The following MAGI1 variants were observed in gnomAD, a reference collection of about 807,000 sequenced individuals.
The protein encoded by MAGI1 is membrane-associated guanylate kinase, WW and PDZ domain-containing protein 1.
A neutral mutation model predicts 139.9 loss-of-function variants in MAGI1; 58 were observed. The observed-to-expected ratio is 0.41, with a 90% CI of 0.34 to 0.52. The LOEUF (loss-of-function observed/expected upper bound fraction) is 0.52, where lower values mean the gene tolerates loss of function less well. MAGI1 is among the 20% of genes least tolerant of loss of function. The pLI is 0.12. For synonymous variants in MAGI1, 812 were observed against 737.9 expected (o/e 1.10, Z -1.63); for missense variants, 1,874 against 1,901.6 (o/e 0.99, Z 0.27).
chr3:65,652,095 T>C (rs1246409250), intron 1 of MAGI1, among the ~76,000 whole-genome samples: 1 of 152,090 alleles, frequency 6.6e-6, no homozygotes, highest in African/African-American at 2.4e-5. Flanking sequence ...AAATGAGAAA[T>C]GGTTAAAATG....
intron 5 of MAGI1, among the ~76,000 whole-genome samples, chr3:65,459,479 C>T (rs1266494169): frequency 6.6e-6 from 1 of 152,164 alleles, no homozygotes; most frequent in Non-Finnish European, 1.5e-5. Flanking sequence ...ATCTTGCAAC[C>T]TTGCTGAACT....
intron 18 of MAGI1, among the ~76,000 whole-genome samples, chr3:65,372,269 A>G (rs1942076075): frequency 6.6e-6 from 1 of 152,212 alleles, no homozygotes; most frequent in African/African-American, 2.4e-5. Flanking sequence ...TTCCTTGTAC[A>G]TTTCCATTAG....
intron 1 of MAGI1, among the ~76,000 whole-genome samples, chr3:65,855,736 A>G (rs1056797514): frequency 1.3e-5 from 2 of 151,414 alleles, no homozygotes; most frequent in Admixed American, 6.6e-5. Flanking sequence ...GCACATGTAG[A>G]TTTGTAAGAA....
At chr3:65,404,125 G>A (rs937573606) in intron 12 of MAGI1, among the ~76,000 whole-genome samples, 4 of 152,218 alleles carry the variant, frequency 2.6e-5, no homozygotes, top group Non-Finnish European at 5.9e-5. Context: ...TAGTGGCAAG[G>A]AGGGGCAAGG....
chr3:65,495,558 A>G (rs960368689), intron 2 of MAGI1, among the ~76,000 whole-genome samples: 6 of 152,324 alleles, frequency 3.9e-5, no homozygotes, highest in South Asian at 4.1e-4. Flanking sequence ...GAACAAGACA[A>G]AGCTCATGCC....
At chr3:65,428,808 T>C (rs1395458367) in intron 12 of MAGI1, among the ~76,000 whole-genome samples, 4 of 152,142 alleles carry the variant, frequency 2.6e-5, no homozygotes, top group African/African-American at 4.8e-5. Context: ...AAAGATTATA[T>C]GGAAGTGTTG....
At chr3:65,906,438 G>C (rs1447265111) in intron 1 of MAGI1, among the ~76,000 whole-genome samples, 2 of 152,162 alleles carry the variant, frequency 1.3e-5, no homozygotes, top group Non-Finnish European at 2.9e-5. Flanking sequence ...AGATGCAATG[G>C]GTGGGCTTCT....
intron 12 of MAGI1, among the ~76,000 whole-genome samples, chr3:65,419,454 G>C (rs138776615): frequency 1.3e-5 from 2 of 152,246 alleles, no homozygotes; most frequent in African/African-American, 2.4e-5. Flanking sequence ...TCACAGCCCA[G>C]TAATAGGTCA....
At chr3:65,859,894 G>GC (rs2059494116) in intron 1 of MAGI1, among the ~76,000 whole-genome samples, 1 of 146,816 alleles carries the variant, frequency 6.8e-6, no homozygotes, top group South Asian at 2.1e-4. Flanking sequence ...TTTTTTGTTT[G>GC]TTTTTGTTTT....
At chr3:65,371,976 G>A (rs1352464682) in intron 18 of MAGI1, 2 of 389,460 alleles carry the variant, frequency 5.1e-6, no homozygotes, top group African/African-American at 2.1e-5. Context: ...AGTCATCCAT[G>A]AAGGTTGGAA....
intron 2 of MAGI1, among the ~76,000 whole-genome samples, chr3:65,510,041 C>A (rs1416173937): frequency 6.6e-6 from 1 of 152,038 alleles, no homozygotes; most frequent in Admixed American, 6.5e-5. Context: ...CCAGCAGGGG[C>A]ACACTGACAC....
chr3:65,375,827 G>A lies in MAGI1; in HGVS notation c.3114C>T (p.Ile1038=). ...CAATGTCTGAATGGGATTTGTTGGT[G>A]ATGGAACATCCATTTACTGCCAAGA... ...DRILAVNGCS[I]TNKSHSDIVN... The change falls in exon 18 of 23, where the codon ATC becomes ATT. Residue 1038 remains isoleucine (I), a synonymous_variant. Coordinates refer to ENST00000402939, the MANE Select transcript of MAGI1 (RefSeq NM_001033057.2). 6.2e-7 allele frequency: 1 copy of A among 1,614,054 alleles called. No homozygotes were observed. The highest frequency in any genetic ancestry group is 1.3e-5 in the African/African-American group (1 of 75,022).
intron 1 of MAGI1, among the ~76,000 whole-genome samples, chr3:65,851,903 T>C (rs576371180): frequency 2.2e-4 from 34 of 152,290 alleles, no homozygotes; most frequent in African/African-American, 7.7e-4. Context: ...ATATGCATCA[T>C]AAGGAGGAAG....
At chr3:65,684,992 A>G (rs925926385) in intron 1 of MAGI1, among the ~76,000 whole-genome samples, 1 of 146,166 alleles carries the variant, frequency 6.8e-6, no homozygotes, top group African/African-American at 2.6e-5. Context: ...TGCTAGGATT[A>G]CAGGCATGAG....
chr3:65,613,198 C>A (rs1397720974), intron 2 of MAGI1, among the ~76,000 whole-genome samples: 1 of 152,126 alleles, frequency 6.6e-6, no homozygotes, highest in Non-Finnish European at 1.5e-5. Context: ...AAGCTCTCCA[C>A]ACCTCAAATG....
chr3:65,449,070 T>C (rs138180897), intron 6 of MAGI1, among the ~76,000 whole-genome samples: 5 of 139,544 alleles, frequency 3.6e-5, no homozygotes, highest in Admixed American at 1.6e-4. Flanking sequence ...CAATCAATGA[T>C]TGACTTAAAT....
At chr3:65,523,745 G>C (rs2078264259) in intron 2 of MAGI1, among the ~76,000 whole-genome samples, 1 of 152,188 alleles carries the variant, frequency 6.6e-6, no homozygotes, top group Non-Finnish European at 1.5e-5. Flanking sequence ...TTTTCTCTCA[G>C]TCCTGGAAAT....
intron 1 of MAGI1, among the ~76,000 whole-genome samples, chr3:65,745,255 T>C (rs1486706991): frequency 6.6e-6 from 1 of 152,058 alleles, no homozygotes; most frequent in Non-Finnish European, 1.5e-5. Flanking sequence ...AGAAGGTATC[T>C]CAAGCAGGAG....
intron 2 of MAGI1, among the ~76,000 whole-genome samples, chr3:65,519,706 C>T (rs1286696790): frequency 6.6e-6 from 1 of 152,120 alleles, no homozygotes; most frequent in Non-Finnish European, 1.5e-5. Flanking sequence ...TTAAAGAGAT[C>T]ACTCCATCTA....
Sources: gnomAD v4.1 joint callset for allele counts (sites outside exome capture counted in the v4.1 genomes callset) on GRCh38, gnomAD v4.1.1 for gene constraint, MANE v1.5 for transcripts, NCBI Gene and HGNC (gene_info 2026-07-23, HGNC 2026-07-21) for gene names.